Variants in EFCC1 observed in about 807,000 individuals in gnomAD.
The protein encoded by EFCC1 is EF-hand and coiled-coil domain containing 1.
A neutral mutation model predicts 52.1 loss-of-function variants in EFCC1; 50 were observed. The ratio of observed to expected loss-of-function variants is 0.96; its 90% CI spans 0.76 to 1.21. The LOEUF (loss-of-function observed/expected upper bound fraction) is 1.21. EFCC1 is among the 50% of genes most tolerant of loss of function. The probability of loss-of-function intolerance (pLI) is 0.00; values close to 1 mark genes in which losing one functional copy is unlikely to be tolerated. For missense variants in EFCC1, 837 were observed against 867.3 expected, an observed-to-expected ratio of 0.97 and a Z score of 0.44; for synonymous variants, 399 against 396.5, an observed-to-expected ratio of 1.01 and a Z score of -0.08.
chr3:129,016,380 G>A (rs1408424467), intron 2 of EFCC1, among the ~76,000 whole-genome samples: 1 of 152,152 alleles, frequency 6.6e-6, no homozygotes, highest in African/African-American at 2.4e-5. Context: ...CCTACAAGCT[G>A]TAGCTCTTTC....
At position 129,032,980 on chromosome 3, in the gene EFCC1, C is replaced by T; in HGVS notation, c.1286+14C>T. ...CTGCAGAGGCAGGTGTGTGGCCCGT[C>T]CAGCGTCAGCCACTGTGGGCCGCAG... On this transcript the variant is annotated intron_variant, in intron 4 of 7. Coordinates refer to ENST00000683648, the MANE Select transcript of EFCC1 (RefSeq NM_001377500.1). 1 of 1,514,572 alleles carries T rather than the reference C, an allele frequency of 6.6e-7. No individual in the cohort carries two copies. The highest frequency in any genetic ancestry group is 8.9e-7 in the Non-Finnish European group (1 of 1,126,520). 93.8% of individuals were successfully genotyped at this position (1,514,572 alleles called of 1,614,324 possible).
chr3:129,004,284 C>A (rs1390163810), intron 2 of EFCC1, among the ~76,000 whole-genome samples: 1 of 152,152 alleles, frequency 6.6e-6, no homozygotes, highest in Non-Finnish European at 1.5e-5. Flanking sequence ...CATCTGCCCA[C>A]CCATCCATTT....
Position 129,014,609 on chromosome 3 carries a change from C to T in EFCC1, c.980+10532C>T, listed in dbSNP as rs1945488300. On this transcript the variant is annotated intron_variant, in intron 2 of 7. Transcript: ENST00000683648. The surrounding 1 kb of genome is among the most constrained non-coding windows in gnomAD (Gnocchi z 4.3). Reference sequence around the variant, plus strand: ...CCAAATAAGATCACATTATGAGGAGCTCTGGGGGTCTGGACATCAACATAT... The same window carrying T: ...CCAAATAAGATCACATTATGAGGAGTTCTGGGGGTCTGGACATCAACATAT... Among the ~76,000 whole-genome samples the T allele has an allele frequency of 6.6e-6, 1 of 152,178 alleles. No individual in the cohort carries two copies. Among genetic ancestry groups the T allele is most frequent in the Non-Finnish European group, 1.5e-5 (1 of 68,036 alleles).
chr3:129,003,282 A>G, intron 1 of EFCC1: 1 of 985,174 alleles, frequency 1.0e-6, no homozygotes, highest in Non-Finnish European at 1.2e-6. Context: ...GGCATCTCTC[A>G]TGCTTGGTAT....
intron 5 of EFCC1, among the ~76,000 whole-genome samples, chr3:129,036,336 C>T (rs1040056658): frequency 2.0e-5 from 3 of 152,264 alleles, no homozygotes; most frequent in Admixed American, 6.5e-5. Context: ...TCCACTGCTT[C>T]TCTTTCCCTC....
At chr3:129,018,273 C>T (rs185649090) in intron 2 of EFCC1, among the ~76,000 whole-genome samples, 237 of 152,238 alleles carry the variant, frequency 1.6e-3, no homozygotes, top group African/African-American at 5.4e-3. Flanking sequence ...CAGTTAAATC[C>T]GGGGTTAGCA....
intron 2 of EFCC1, among the ~76,000 whole-genome samples, chr3:129,005,547 A>C (rs893063798): frequency 1.3e-5 from 2 of 152,258 alleles, no homozygotes; most frequent in Non-Finnish European, 2.9e-5. Context: ...AGATTTCAAT[A>C]AAAAGTTACC....
Position 129,002,017 on chromosome 3 carries a change from G to T in EFCC1, c.389G>T (p.Arg130Leu). Residue 130 changes from arginine (R) to leucine (L), a missense_variant, in exon 1 of 8, where the codon CGC (arginine) becomes CTC (leucine). Arg to Leu is a moderately radical substitution (Grantham distance 102). Transcript: ENST00000683648. ...DGDSDTDEEA[R>L]LALRAEPPEL... Reference sequence around the variant, plus strand: ...GACTCAGATACCGATGAAGAGGCGCGCCTGGCGCTGCGCGCCGAGCCGCCG... The same window carrying T: ...GACTCAGATACCGATGAAGAGGCGCTCCTGGCGCTGCGCGCCGAGCCGCCG... 1.3e-6 allele frequency: 2 copies of T among 1,545,538 alleles called. No individual in the cohort carries two copies. Among genetic ancestry groups the T allele is most frequent in the South Asian group, 1.2e-5 (1 of 83,330 alleles).
At chr3:129,027,631 T>A (rs773325972) in intron 2 of EFCC1, among the ~76,000 whole-genome samples, 2 of 152,120 alleles carry the variant, frequency 1.3e-5, no homozygotes, top group Non-Finnish European at 2.9e-5. Flanking sequence ...TCATAGGAAG[T>A]CCACTCAGCG....
intron 2 of EFCC1, among the ~76,000 whole-genome samples, chr3:129,020,788 G>A (rs962946390): frequency 6.6e-6 from 1 of 152,218 alleles, no homozygotes; most frequent in East Asian, 1.9e-4. Context: ...GGCTCCAGGG[G>A]AGGGAGCCAG....
intron 2 of EFCC1, among the ~76,000 whole-genome samples, chr3:129,022,722 A>G (rs937000239): frequency 1.3e-5 from 2 of 152,202 alleles, no homozygotes; most frequent in African/African-American, 4.8e-5. Context: ...TGGAGCCCTG[A>G]CAGAGGTGCT....
Position 129,034,275 on chromosome 3 carries a change from G to A in EFCC1, c.1398G>A (p.Glu466=). The A allele has an allele frequency of 6.2e-7, 1 of 1,614,182 alleles. No individual in the cohort carries two copies. ...ELEACIAMLV[E]QLRTQGCGGR... ...AGGCCTGCATTGCCATGCTGGTGGA[G>A]CAGCTGAGGACTCAGGGCTGCGGTG... The change falls in exon 5 of 8, where the codon GAG becomes GAA. Residue 466 remains glutamate (E), a synonymous_variant. Transcript: ENST00000683648.
At chr3:129,019,281 C>G (rs1427203366) in intron 2 of EFCC1, among the ~76,000 whole-genome samples, 2 of 152,166 alleles carry the variant, frequency 1.3e-5, no homozygotes, top group African/African-American at 4.8e-5. Flanking sequence ...TTCAGTCCAC[C>G]TGGAGTCTAC....
chr3:129,035,721 T>C (rs1461616116), intron 5 of EFCC1, among the ~76,000 whole-genome samples: 2 of 152,128 alleles, frequency 1.3e-5, no homozygotes, highest in Non-Finnish European at 2.9e-5. Flanking sequence ...ACCCCTCACT[T>C]ACTCCCCAGA....
chr3:129,033,007 C>T lies in EFCC1; in HGVS notation c.1286+41C>T, dbSNP rs765724534. On this transcript the variant is annotated intron_variant, in intron 4 of 7. Transcript: ENST00000683648. Reference sequence around the variant, plus strand: ...AGCGTCAGCCACTGTGGGCCGCAGGCTCCAGAGGTGTCTGGGGAAGCCAGG... The same window carrying T: ...AGCGTCAGCCACTGTGGGCCGCAGGTTCCAGAGGTGTCTGGGGAAGCCAGG... 2.1e-6 allele frequency: 3 copies of T among 1,461,348 alleles called. No individual in the cohort carries two copies. In the South Asian group the frequency reaches 4.2e-5, roughly 20 times the overall value. The allele number at this position is 1,461,348 out of a possible 1,614,324, so 90.5% of individuals were successfully genotyped here. A position where few individuals can be genotyped will look rare whatever the true frequency, so the allele number is the denominator to read the frequency against.
intron 2 of EFCC1, among the ~76,000 whole-genome samples, chr3:129,020,073 T>C (rs1945768470): frequency 6.6e-6 from 1 of 152,172 alleles, no homozygotes; most frequent in Non-Finnish European, 1.5e-5. Context: ...CCAGCCTGAT[T>C]AAATTTAAAT....
At chr3:129,003,469 T>TC (rs1944897589) in intron 1 of EFCC1, among the ~76,000 whole-genome samples, 1 of 151,600 alleles carries the variant, frequency 6.6e-6, no homozygotes, top group South Asian at 2.1e-4. Flanking sequence ...ACGCCGCCAA[T>TC]ACAGTAGGCC....
intron 2 of EFCC1, among the ~76,000 whole-genome samples, chr3:129,017,354 C>T (rs1436214831): frequency 1.3e-5 from 2 of 152,250 alleles, no homozygotes; most frequent in Non-Finnish European, 2.9e-5. Context: ...CCGATCACCA[C>T]ACTCTTAGTG....
In EFCC1 at chr3:129,015,399, T is replaced by C. The variant is rs954425607; in HGVS notation, c.980+11322T>C. Among the ~76,000 whole-genome samples, 9 of 152,164 alleles carry C rather than the reference T, an allele frequency of 5.9e-5. No homozygotes were observed. The East Asian group carries it at 1.7e-3, about 29-fold the overall frequency. ...GTCCTTCATGTATTTTTGTGATGAC[T>C]TCATTGAGGTCTGCTCCTTCGGGGG... On this transcript the variant is annotated intron_variant, in intron 2 of 7. Transcript: ENST00000683648.
Sources: allele counts gnomAD v4.1 joint callset (sites outside exome capture counted in the v4.1 genomes callset), GRCh38; gene constraint gnomAD v4.1.1; non-coding constraint Gnocchi (gnomAD v3.1); transcripts MANE v1.5; gene names NCBI Gene and HGNC (gene_info 2026-07-23, HGNC 2026-07-21).